Variants in MYO5B observed in about 807,000 individuals in gnomAD.
MYO5B encodes the protein unconventional myosin-Vb.
Under a neutral mutation model 229.3 loss-of-function variants are expected in MYO5B, and 143 were observed. The observed-to-expected ratio is 0.62, with a 90% CI of 0.54 to 0.72. The LOEUF is 0.72. MYO5B is among the 30% of genes least tolerant of loss of function. MYO5B has a pLI of 0.00. For missense variants in MYO5B, 2,321 were observed against 2,331.0 expected (o/e 1.00, Z 0.09); for synonymous variants, 918 against 885.2 (o/e 1.04, Z -0.66).
At chr18:50,014,064 T>C (rs1356928907) in intron 4 of MYO5B, among the ~76,000 whole-genome samples, 6 of 152,332 alleles carry the variant, frequency 3.9e-5, no homozygotes, top group African/African-American at 1.4e-4. Flanking sequence ...TCTAGCTTCT[T>C]CCTTCAAATT....
intron 14 of MYO5B, among the ~76,000 whole-genome samples, chr18:49,938,282 C>T (rs1014417696): frequency 6.6e-6 from 1 of 152,122 alleles, no homozygotes; most frequent in African/African-American, 2.4e-5. Flanking sequence ...TCATCTGTAA[C>T]AAGGTGAAGA....
intron 22 of MYO5B, among the ~76,000 whole-genome samples, chr18:49,887,176 T>A (rs988934696): frequency 4.6e-5 from 7 of 152,118 alleles, no homozygotes; most frequent in African/African-American, 1.7e-4. Flanking sequence ...AGGTTTTAGA[T>A]CATAGGTTGT....
At chr18:49,939,775 C>G (rs535295064) in intron 14 of MYO5B, among the ~76,000 whole-genome samples, 1 of 152,312 alleles carries the variant, frequency 6.6e-6, no homozygotes, top group East Asian at 1.9e-4. Context: ...CATTTAAACC[C>G]ACAATATCAA....
At chr18:49,850,107 C>T (rs669350) in intron 31 of MYO5B, 3 of 277,468 alleles carry the variant, frequency 1.1e-5, no homozygotes, top group Non-Finnish European at 7.0e-6. Context: ...CAGGGCCCAG[C>T]GGCAAAACAG....
In MYO5B at chr18:49,877,771, G is replaced by A; in HGVS notation, c.3388C>T (p.Gln1130Ter). 6.2e-7 allele frequency: 1 copy of A among 1,614,100 alleles called. No individual in the cohort carries two copies. Among genetic ancestry groups the A allele is most frequent in the Non-Finnish European group, 8.5e-7 (1 of 1,179,958 alleles). ...EIGDTEDALQQVEEIGLEKAA... is the reference protein window; with the variant it reads ...EIGDTEDALQ ...GAGCCTGCATCACTCACCTCCACCT[G>A]CTGGAGGGCATCCTCAGTGTCTCCG... is the stretch of plus-strand genomic sequence containing the variant. Residue 1130 changes from glutamine (Q) to a stop codon, truncating the protein, a stop_gained, in exon 25 of 40, where the codon CAG becomes TAG. Transcript: ENST00000285039. LOFTEE classifies it high-confidence loss of function.
intron 2 of MYO5B, among the ~76,000 whole-genome samples, chr18:50,054,798 G>C (rs1217116522): frequency 1.3e-5 from 2 of 152,156 alleles, no homozygotes; most frequent in Non-Finnish European, 2.9e-5. Context: ...AACAGCCCTA[G>C]ATAAACTAGC....
chr18:49,955,351 C>G (rs775180261), intron 12 of MYO5B, among the ~76,000 whole-genome samples: 4 of 152,242 alleles, frequency 2.6e-5, no homozygotes, highest in Admixed American at 6.5e-5. Context: ...ATGACAGCAA[C>G]TCTTCCAATG....
At chr18:49,917,438 T>A (rs1041446674) in intron 17 of MYO5B, among the ~76,000 whole-genome samples, 3 of 152,018 alleles carry the variant, frequency 2.0e-5, no homozygotes, top group Admixed American at 2.0e-4. Flanking sequence ...CACTGAGACA[T>A]CAAAAATGCT....
intron 1 of MYO5B, among the ~76,000 whole-genome samples, chr18:50,127,467 C>T (rs745539205): frequency 6.6e-6 from 1 of 152,198 alleles, no homozygotes; most frequent in Admixed American, 6.5e-5. Context: ...TGGTCAAACT[C>T]ATGGTATCTG....
At chr18:50,172,349 G>A (rs2032931702) in intron 1 of MYO5B, among the ~76,000 whole-genome samples, 1 of 150,674 alleles carries the variant, frequency 6.6e-6, no homozygotes, top group Non-Finnish European at 1.5e-5. Flanking sequence ...AAAGAGATTG[G>A]CCAGACTGTT....
chr18:49,902,778 G>A lies in MYO5B; in HGVS notation c.2627C>T (p.Ala876Val). Residue 876 changes from alanine (A) to valine (V), a missense_variant, in exon 21 of 40, where the codon GCA (alanine) becomes GTA (valine). By Grantham distance (64) the Ala-to-Val change is moderately conservative. Coordinates refer to ENST00000285039, the MANE Select transcript of MYO5B (RefSeq NM_001080467.3). ...TIQKHVRGWM[A>V]RRHFQRLRDA... ...CCGCAGCCGCTGGAAGTGCCTGCGTGCCATCCAGCCCCGCACGTGCTTCTG... is the reference window on the plus strand; with the variant it reads ...CCGCAGCCGCTGGAAGTGCCTGCGTACCATCCAGCCCCGCACGTGCTTCTG... The A allele has an allele frequency of 6.2e-7, 1 of 1,604,308 alleles. No individual in the cohort carries two copies. The highest frequency in any genetic ancestry group is 1.1e-5 in the South Asian group (1 of 91,078).
At chr18:49,988,737 T>A (rs1286493474) in intron 7 of MYO5B, among the ~76,000 whole-genome samples, 1 of 152,170 alleles carries the variant, frequency 6.6e-6, no homozygotes, top group African/African-American at 2.4e-5. Context: ...AGGATGGCAG[T>A]GGCCCCTAAT....
chr18:50,132,231 A>T (rs1316475926), intron 1 of MYO5B, among the ~76,000 whole-genome samples: 1 of 152,202 alleles, frequency 6.6e-6, no homozygotes, highest in Non-Finnish European at 1.5e-5. Flanking sequence ...ATCCTCTGGA[A>T]ATTTAAGAAC....
At chr18:50,161,434 T>TG (rs2032764182) in intron 1 of MYO5B, among the ~76,000 whole-genome samples, 1 of 129,536 alleles carries the variant, frequency 7.7e-6, no homozygotes, top group South Asian at 2.6e-4. Flanking sequence ...TCTAAGGGAG[T>TG]GGGGGGACTA....
chr18:49,927,425 G>A (rs2025141239), intron 17 of MYO5B, among the ~76,000 whole-genome samples: 1 of 147,474 alleles, frequency 6.8e-6, no homozygotes, highest in Non-Finnish European at 1.5e-5. Flanking sequence ...AGCAAGACTA[G>A]CAAAAACAAA....
chr18:49,970,246 G>A (rs183348369), intron 10 of MYO5B, among the ~76,000 whole-genome samples: 1 of 152,312 alleles, frequency 6.6e-6, no homozygotes, highest in East Asian at 1.9e-4. Context: ...CGACTTCACA[G>A]ATCCTTGGTT....
chr18:49,824,348 A>G lies in MYO5B; in HGVS notation c.*2123T>C, dbSNP rs1004509442. ...TTGGAAGAGAAGAACTAAATCTGCC[A>G]TTTCTTAGGCTAAATGGACTATTCA... On this transcript the variant is annotated 3_prime_UTR_variant, in exon 40 of 40. Transcript: ENST00000285039. The G allele has an allele frequency of 1.3e-5, 2 of 152,304 alleles. No individual in the cohort carries two copies. The highest frequency in any genetic ancestry group is 4.8e-5 in the African/African-American group (2 of 41,488). 9.4% of individuals were successfully genotyped at this position (152,304 alleles called of 1,614,324 possible).
intron 27 of MYO5B, among the ~76,000 whole-genome samples, chr18:49,866,489 T>C (rs1213094274): frequency 6.6e-6 from 1 of 152,234 alleles, no homozygotes; most frequent in Non-Finnish European, 1.5e-5. Flanking sequence ...TCTGTCCCTA[T>C]GAAACACTAA....
At chr18:49,947,101 C>T (rs369527067) in intron 14 of MYO5B, among the ~76,000 whole-genome samples, 5 of 108,290 alleles carry the variant, frequency 4.6e-5, no homozygotes, top group South Asian at 3.3e-4. Flanking sequence ...TCACCAAGCT[C>T]TTTTTTTTTT....
Sources: gnomAD v4.1 joint callset for allele counts (sites outside exome capture counted in the v4.1 genomes callset) on GRCh38, gnomAD v4.1.1 for gene constraint, MANE v1.5 for transcripts, NCBI Gene and HGNC (gene_info 2026-07-23, HGNC 2026-07-21) for gene names.